Variants in CFHR3 observed in about 807,000 individuals in gnomAD.
CFHR3 encodes complement factor H-related protein 3.
CFHR3 carries 22 observed loss-of-function variants against 36.0 expected under a neutral mutation model. The observed-to-expected ratio is 0.61, with a 90% CI of 0.44 to 0.87. The LOEUF is 0.87. CFHR3 is among the 40% of genes least tolerant of loss of function. The pLI is 0.00. For missense variants in CFHR3, 276 were observed against 401.3 expected, an observed-to-expected ratio of 0.69 and a Z score of 2.67; for synonymous variants, 97 against 137.4, an observed-to-expected ratio of 0.71 and a Z score of 2.06.
In CFHR3 at chr1:196,792,578, T is replaced by C. The variant is rs559942711; in HGVS notation, c.797-739T>C. Among the ~76,000 whole-genome samples the C allele has an allele frequency of 1.5e-4, 20 of 130,282 alleles. 5 individuals are homozygous for C. Among genetic ancestry groups the C allele is most frequent in the African/African-American group, 6.1e-4 (18 of 29,624 alleles). 85.5% of individuals were successfully genotyped at this position (130,282 alleles called of 152,430 possible). On this transcript the variant is annotated intron_variant, in intron 5 of 5. Transcript: ENST00000367425. The stretch of plus-strand genomic sequence containing the variant: ...TACAAAAGAATTTTATAAAAGAAAA[T>C]CCATATGTGGAAGTAACATTATCTT...
At chr1:196,786,459 A>G (rs1279797035) in intron 3 of CFHR3, among the ~76,000 whole-genome samples, 2 of 135,910 alleles carry the variant, frequency 1.5e-5, no homozygotes, top group Non-Finnish European at 3.1e-5. Context: ...GGCTCCACCC[A>G]GTTCGAGCTT....
At position 196,790,894 on chromosome 1, in the gene CFHR3, G is replaced by A. The variant is rs181706454; in HGVS notation, c.796+667G>A. Among the ~76,000 whole-genome samples, 11 of 135,810 alleles carry A rather than the reference G, an allele frequency of 8.1e-5. 3 individuals carry two copies. The East Asian group carries it at 9.8e-4, about 12-fold the overall frequency. 89.1% of individuals were successfully genotyped at this position (135,810 alleles called of 152,430 possible). A position where few individuals can be genotyped will look rare whatever the true frequency, so the allele number is the denominator to read the frequency against. Reference sequence around the variant, plus strand: ...TTCAAGAATGACAACCATTTATTGCGCACATATGAAATATGGCATCTCAGC... The same window carrying A: ...TTCAAGAATGACAACCATTTATTGCACACATATGAAATATGGCATCTCAGC... On this transcript the variant is annotated intron_variant, in intron 5 of 5. Coordinates refer to ENST00000367425, the MANE Select transcript of CFHR3 (RefSeq NM_021023.6).
In CFHR3 at chr1:196,788,442, T is replaced by C. The variant is rs1278085655; in HGVS notation, c.613+44T>C. The C allele has an allele frequency of 9.9e-6, 15 of 1,516,950 alleles. 4 individuals carry two copies. Among genetic ancestry groups the C allele is most frequent in the Non-Finnish European group, 1.2e-5 (14 of 1,125,480 alleles). The allele number at this position is 1,516,950 out of a possible 1,614,324, so 94.0% of individuals were successfully genotyped here. Reference sequence around the variant, plus strand: ...CCCATTCAGTTTCTGTCAACTTCGTTCCTCTCTTTGAGATGATAGTGTTTT... The same window carrying C: ...CCCATTCAGTTTCTGTCAACTTCGTCCCTCTCTTTGAGATGATAGTGTTTT... On this transcript the variant is annotated intron_variant, in intron 4 of 5. Coordinates refer to ENST00000367425, the MANE Select transcript of CFHR3 (RefSeq NM_021023.6).
rs1331653835 is a variant in CFHR3 at position 196,789,505 on chromosome 1, T to C, written c.614-540T>C. 3.1e-6 allele frequency: 3 copies of C among 973,852 alleles called. 1 individual carries two copies. The highest frequency in any genetic ancestry group is 3.8e-6 in the Non-Finnish European group (3 of 791,012). 60.3% of individuals were successfully genotyped at this position (973,852 alleles called of 1,614,324 possible). On this transcript the variant is annotated intron_variant, in intron 4 of 5. Coordinates refer to ENST00000367425, the MANE Select transcript of CFHR3 (RefSeq NM_021023.6). ...ACTTGTGAAATAAAAGACAGGATGCTTCATAAATTTTATAGAACTTATATC... is the reference window on the plus strand; with the variant it reads ...ACTTGTGAAATAAAAGACAGGATGCCTCATAAATTTTATAGAACTTATATC...
chr1:196,786,259 A>ATG (rs1654195398), intron 3 of CFHR3, among the ~76,000 whole-genome samples: 4 of 135,672 alleles, frequency 2.9e-5, no homozygotes, highest in South Asian at 2.6e-4. Flanking sequence ...GGGGTCAGCG[A>ATG]CCAACTTGAG....
At position 196,794,469 on chromosome 1, in the gene CFHR3, A is replaced by T. The variant is rs1654524539; in HGVS notation, c.*956A>T. The T allele has an allele frequency of 2.7e-6, 1 of 374,834 alleles. No individual in the cohort carries two copies. The highest frequency in any genetic ancestry group is 5.2e-6 in the Non-Finnish European group (1 of 193,586). The allele number at this position is 374,834 out of a possible 1,614,324, so 23.2% of individuals were successfully genotyped here. A position where few individuals can be genotyped will look rare whatever the true frequency, so the allele number is the denominator to read the frequency against. On this transcript the variant is annotated 3_prime_UTR_variant, in exon 6 of 6. Transcript: ENST00000367425. Reference sequence around the variant, plus strand: ...TAGAGTGAGACTCTGTCTTAAAAATAAATAAATAGGATGCTGAAAATTCCT... The same window carrying T: ...TAGAGTGAGACTCTGTCTTAAAAATTAATAAATAGGATGCTGAAAATTCCT...
chr1:196,780,025 C>G (rs766024530), intron 3 of CFHR3, 52 bp downstream of exon 3: 1 of 1,522,110 alleles, frequency 6.6e-7, no homozygotes, highest in Admixed American at 1.7e-5. Flanking sequence ...CTAAGTAACA[C>G]GGACGACAGT....
Position 196,788,763 on chromosome 1 carries a change from G to T in CFHR3, c.613+365G>T, listed in dbSNP as rs190948018. The T allele has an allele frequency of 2.8e-5, 41 of 1,453,574 alleles. 8 individuals are homozygous for T. Among genetic ancestry groups the T allele is most frequent in the Middle Eastern group, 1.9e-4 (1 of 5,302 alleles). The allele number at this position is 1,453,574 out of a possible 1,614,324, so 90.0% of individuals were successfully genotyped here. A position where few individuals can be genotyped will look rare whatever the true frequency, so the allele number is the denominator to read the frequency against. On this transcript the variant is annotated intron_variant, in intron 4 of 5. Coordinates refer to ENST00000367425, the MANE Select transcript of CFHR3 (RefSeq NM_021023.6). ...TTATCAGCTGCTTGTATTGCATTCC[G>T]TGCTCACGCTCAGAAAAGTTGTACA...
chr1:196,779,045 T>C (rs2124841396), intron 1 of CFHR3, 117 bp from the exon 2 acceptor site: 3 of 816,796 alleles, frequency 3.7e-6, no homozygotes, highest in Admixed American at 2.2e-5. Flanking sequence ...AAACTAGTTA[T>C]GGTTGCTGTA....
chr1:196,775,072 CAT>C, intron 1 of CFHR3, 128 bp downstream of exon 1: 1 of 811,276 alleles, frequency 1.2e-6, no homozygotes, highest in Admixed American at 2.2e-5. Flanking sequence ...GTAGAAGTGA[CAT>C]ATTTTGTGAG....
chr1:196,794,666 T>C lies in CFHR3; in HGVS notation c.*1153T>C, dbSNP rs1326684595. On this transcript the variant is annotated 3_prime_UTR_variant, in exon 6 of 6. Transcript: ENST00000367425. ...AATTGCCTTCACTCTCTTTCTGTTC[T>C]GTACTTTTCTTTGTATATAAGGATT... The C allele has an allele frequency of 8.4e-6, 3 of 358,648 alleles. 1 individual carries two copies. The African/African-American group carries it at 8.4e-5, about 10-fold the overall frequency. The allele number at this position is 358,648 out of a possible 1,614,324, so 22.2% of individuals were successfully genotyped here. A position where few individuals can be genotyped will look rare whatever the true frequency, so the allele number is the denominator to read the frequency against.
chr1:196,790,839 T>C (rs1242280326), intron 5 of CFHR3, among the ~76,000 whole-genome samples: 2 of 126,186 alleles, frequency 1.6e-5, no homozygotes, highest in Non-Finnish European at 3.3e-5. Flanking sequence ...ATGTTCAGAG[T>C]CTTCAATTTG....
chr1:196,786,407 G>A lies in CFHR3; in HGVS notation c.431-1809G>A, dbSNP rs61405679. Among the ~76,000 whole-genome samples, 2 of 135,526 alleles carry A rather than the reference G, an allele frequency of 1.5e-5. 1 individual carries two copies. Among genetic ancestry groups the A allele is most frequent in the Non-Finnish European group, 3.1e-5 (2 of 64,240 alleles). The allele number at this position is 135,526 out of a possible 152,430, so 88.9% of individuals were successfully genotyped here. ...GTTTGTCTGTGCCCTGCCCCCAGAGGTGGAGCCTACAGAGGCAGGCAGGCC... is the reference window on the plus strand; with the variant it reads ...GTTTGTCTGTGCCCTGCCCCCAGAGATGGAGCCTACAGAGGCAGGCAGGCC... On this transcript the variant is annotated intron_variant, in intron 3 of 5. Coordinates refer to ENST00000367425, the MANE Select transcript of CFHR3 (RefSeq NM_021023.6).
intron 1 of CFHR3, among the ~76,000 whole-genome samples, chr1:196,778,092 A>T (rs1415957188): frequency 7.4e-6 from 1 of 135,266 alleles, no homozygotes; most frequent in Non-Finnish European, 1.6e-5. Context: ...AAAATGTAAG[A>T]GTATCTCAGG....
intron 3 of CFHR3, among the ~76,000 whole-genome samples, chr1:196,785,796 C>A (rs568121): frequency 0.28 from 38,619 of 136,052 alleles, 11,063 homozygotes; most frequent in East Asian, 0.51. Context: ...GCCTTCTTTT[C>A]TCAACTCGTC....
rs1466450942 is a variant in CFHR3, at chr1:196,775,442, CTAAT to C, written c.58+502_58+505del. Among the ~76,000 whole-genome samples the C allele has an allele frequency of 2.9e-5, 4 of 136,468 alleles. 1 individual carries two copies. Among genetic ancestry groups the C allele is most frequent in the South Asian group, 2.5e-4 (1 of 3,986 alleles). 89.5% of individuals were successfully genotyped at this position (136,468 alleles called of 152,430 possible). ...TTATAGCTTAAGAAAGCTGCTAAAACTAATTAACATTAATATCAACTTACTACGT... is the reference window on the plus strand; with the variant it reads ...TTATAGCTTAAGAAAGCTGCTAAAACTAACATTAATATCAACTTACTACGT... On this transcript the variant is annotated intron_variant, in intron 1 of 5. Transcript: ENST00000367425.
rs187738883 is a variant in CFHR3 at position 196,794,540 on chromosome 1, G to A, written c.*1027G>A. 2.5e-3 allele frequency: 976 copies of A among 386,128 alleles called. 266 individuals are homozygous for A. In the African/African-American group the frequency reaches 0.026, roughly 10 times the overall value. The allele number at this position is 386,128 out of a possible 1,614,324, so 23.9% of individuals were successfully genotyped here. A position where few individuals can be genotyped will look rare whatever the true frequency, so the allele number is the denominator to read the frequency against. On this transcript the variant is annotated 3_prime_UTR_variant, in exon 6 of 6. Transcript: ENST00000367425. ...TTCTGATTTATTTAAGGCTACATTT[G>A]TATTTTCTTAATACAAATATTTTGA...
In CFHR3 at chr1:196,793,395, CA is replaced by C. The variant is rs1654489667; in HGVS notation, c.880del (p.Thr294GlnfsTer30). ...GGAAGAAGTGACAGAAAATATTATG[CA>C]AAAACAGGGGATACCATTGAATTTA... is the stretch of plus-strand genomic sequence containing the variant. ...LKGRSDRKYY[A>X]KTGDTIEFMC... On this transcript the variant is annotated frameshift_variant, in exon 6 of 6. Transcript: ENST00000367425. LOFTEE classifies it low-confidence loss of function (END_TRUNC). The C allele has an allele frequency of 6.6e-7, 1 of 1,524,676 alleles. No homozygotes were observed. The highest frequency in any genetic ancestry group is 1.7e-5 in the African/African-American group (1 of 59,744). The allele number at this position is 1,524,676 out of a possible 1,614,324, so 94.4% of individuals were successfully genotyped here. A position where few individuals can be genotyped will look rare whatever the true frequency, so the allele number is the denominator to read the frequency against.
At position 196,789,120 on chromosome 1, in the gene CFHR3, CAA is replaced by C. The variant is rs1654323018; in HGVS notation, c.613+724_613+725del. 4 of 1,018,410 alleles carry C rather than the reference CAA, an allele frequency of 3.9e-6. 1 individual carries two copies. In the East Asian group the frequency reaches 2.1e-4, roughly 52 times the overall value. 63.1% of individuals were successfully genotyped at this position (1,018,410 alleles called of 1,614,324 possible). A position where few individuals can be genotyped will look rare whatever the true frequency, so the allele number is the denominator to read the frequency against. ...TTTTTCTTTCCTCTTTATATATTCA[CAA>C]AGAGTTTTAAAGATAAATTGCTGAA... On this transcript the variant is annotated intron_variant, in intron 4 of 5. Coordinates refer to ENST00000367425, the MANE Select transcript of CFHR3 (RefSeq NM_021023.6).
Sources: gnomAD v4.1 joint callset for allele counts (sites outside exome capture counted in the v4.1 genomes callset) on GRCh38, gnomAD v4.1.1 for gene constraint, MANE v1.5 for transcripts, NCBI Gene and HGNC (gene_info 2026-07-23, HGNC 2026-07-21) for gene names.